LYPLAL1: variants seen among roughly 807,000 people sequenced by gnomAD.
LYPLAL1 encodes the protein lysophospholipase-like protein 1.
Under a neutral mutation model 19.7 loss-of-function variants are expected in LYPLAL1, and 23 were observed. The observed-to-expected ratio is 1.17, with a 90% CI of 0.84 to 1.65. The LOEUF (loss-of-function observed/expected upper bound fraction) is 1.65, where lower values mean the gene tolerates loss of function less well. LYPLAL1 is among the 40% of genes most tolerant of loss of function. LYPLAL1 has a pLI of 0.00. For synonymous variants in LYPLAL1, 119 were observed against 96.3 expected (o/e 1.24, Z -1.38); for missense variants, 355 against 279.4 (o/e 1.27, Z -1.93).
At chr1:219,214,698 T>C (rs1234958203), downstream of LYPLAL1, among the ~76,000 whole-genome samples, 11 of 149,504 alleles carry the variant, frequency 7.4e-5, 1 homozygote, top group South Asian at 8.4e-4. Context: ...CTTTTTTTTT[T>C]TTTTTTTGAG....
At chr1:219,227,428 C>A in the LYPLAL1 span, among the ~76,000 whole-genome samples, 2 of 152,184 alleles carry the variant, frequency 1.3e-5, no homozygotes, top group African/African-American at 4.8e-5. Flanking sequence ...CTTCTTCCTA[C>A]TTATAAGTAT....
the LYPLAL1 span, among the ~76,000 whole-genome samples, chr1:219,427,038 A>G: frequency 6.6e-6 from 1 of 152,260 alleles, no homozygotes; most frequent in Non-Finnish European, 1.5e-5. Context: ...TATTATAATA[A>G]TATGCTTCAT....
At chr1:219,440,006 T>TAC in the LYPLAL1 span, among the ~76,000 whole-genome samples, 28 of 103,164 alleles carry the variant, frequency 2.7e-4, no homozygotes, top group African/African-American at 1.1e-3. Flanking sequence ...CATATATATA[T>TAC]ATATATACAC....
In LYPLAL1 at chr1:219,197,194, A is replaced by T. The variant is rs961959026; in HGVS notation, c.361+3943A>T. On this transcript the variant is annotated intron_variant, in intron 3 of 4. Coordinates refer to ENST00000366928, the MANE Select transcript of LYPLAL1 (RefSeq NM_138794.5). Reference sequence around the variant, plus strand: ...AAGATAGTCCTAAGCAAAAAGGACAAAGGTGGAGGCATCATGCTACCCAAC... The same window carrying T: ...AAGATAGTCCTAAGCAAAAAGGACATAGGTGGAGGCATCATGCTACCCAAC... Among the ~76,000 whole-genome samples, 5 of 152,240 alleles carry T rather than the reference A, an allele frequency of 3.3e-5. No individual in the cohort carries two copies. In the South Asian group the frequency reaches 6.2e-4, roughly 19 times the overall value.
the LYPLAL1 span, among the ~76,000 whole-genome samples, chr1:219,280,831 C>T: frequency 2.6e-5 from 4 of 152,194 alleles, no homozygotes; most frequent in Admixed American, 6.5e-5. Flanking sequence ...GCAAAATACC[C>T]GAGGTCAGGG....
At chr1:219,350,757 C>T in the LYPLAL1 span, among the ~76,000 whole-genome samples, 1 of 152,160 alleles carries the variant, frequency 6.6e-6, no homozygotes, top group Non-Finnish European at 1.5e-5. Flanking sequence ...ACCCAGGAAA[C>T]TCGATGACAT....
the LYPLAL1 span, among the ~76,000 whole-genome samples, chr1:219,260,687 T>A: frequency 6.7e-6 from 1 of 149,634 alleles, no homozygotes; most frequent in African/African-American, 2.4e-5. Flanking sequence ...CATACACACA[T>A]ATATACATAT....
At chr1:219,236,401 TAA>T in the LYPLAL1 span, among the ~76,000 whole-genome samples, 1 of 152,244 alleles carries the variant, frequency 6.6e-6, no homozygotes, top group Non-Finnish European at 1.5e-5. Context: ...CCATTTTGTA[TAA>T]AGAGTGACTT....
chr1:219,271,901 T>TC, the LYPLAL1 span: 1 of 152,226 alleles, frequency 6.6e-6, no homozygotes, highest in Non-Finnish European at 1.5e-5. Flanking sequence ...CTGGAAATCT[T>TC]CCAAGGCAGT....
the LYPLAL1 span, among the ~76,000 whole-genome samples, chr1:219,315,889 C>A: frequency 1.5e-3 from 230 of 152,164 alleles, 6 homozygotes; most frequent in South Asian, 0.043. Context: ...AATTTAAATT[C>A]TTTATTGTAT....
chr1:219,368,570 G>C, the LYPLAL1 span, among the ~76,000 whole-genome samples: 3 of 152,192 alleles, frequency 2.0e-5, no homozygotes, highest in Admixed American at 1.3e-4. Flanking sequence ...GGAGGGCTCT[G>C]TCAGCCAGAG....
chr1:219,424,974 T>C, the LYPLAL1 span, among the ~76,000 whole-genome samples: 1 of 152,192 alleles, frequency 6.6e-6, no homozygotes, highest in Admixed American at 6.5e-5. Context: ...CGTACAGTAA[T>C]TGTTACTATT....
At chr1:219,351,803 A>G in the LYPLAL1 span, among the ~76,000 whole-genome samples, 1 of 152,232 alleles carries the variant, frequency 6.6e-6, no homozygotes, top group Admixed American at 6.5e-5. Context: ...AATAAACCAT[A>G]GACACTTCAC....
At chr1:219,184,071 C>T (rs747257849) in intron 2 of LYPLAL1, among the ~76,000 whole-genome samples, 26 of 151,770 alleles carry the variant, frequency 1.7e-4, no homozygotes, top group Non-Finnish European at 3.4e-4. Context: ...AATTTTAGAA[C>T]CTGCTCTTCA....
the LYPLAL1 span, among the ~76,000 whole-genome samples, chr1:219,405,716 C>T: frequency 1.3e-5 from 2 of 152,130 alleles, no homozygotes; most frequent in Non-Finnish European, 2.9e-5. Flanking sequence ...GCTACCAGAG[C>T]GCAGAGGAAA....
the LYPLAL1 span, among the ~76,000 whole-genome samples, chr1:219,219,188 TACC>T: frequency 3.3e-5 from 5 of 152,240 alleles, no homozygotes; most frequent in East Asian, 9.6e-4. Context: ...ACAAACTTCA[TACC>T]AACTTTTCTA....
the LYPLAL1 span, among the ~76,000 whole-genome samples, chr1:219,323,183 C>T: frequency 6.6e-6 from 1 of 152,144 alleles, no homozygotes; most frequent in African/African-American, 2.4e-5. Flanking sequence ...TCACCATATG[C>T]ACATTTCAAA....
At chr1:219,385,707 T>G in the LYPLAL1 span, among the ~76,000 whole-genome samples, 1 of 152,090 alleles carries the variant, frequency 6.6e-6, no homozygotes, top group Non-Finnish European at 1.5e-5. Context: ...TGAAATTATT[T>G]GAAGGAACAA....
chr1:219,272,842 A>G, the LYPLAL1 span: 2 of 152,258 alleles, frequency 1.3e-5, no homozygotes, highest in East Asian at 1.9e-4. Context: ...AGAAAAAAAA[A>G]AGAAAATTAG....
Sources: gnomAD v4.1 joint callset for allele counts (sites outside exome capture counted in the v4.1 genomes callset) on GRCh38, gnomAD v4.1.1 for gene constraint, MANE v1.5 for transcripts, NCBI Gene and HGNC (gene_info 2026-07-23, HGNC 2026-07-21) for gene names.